The following TPRG1 variants were observed in gnomAD, a reference collection of about 807,000 sequenced individuals.
The protein encoded by TPRG1 is tumor protein p63-regulated gene 1 protein.
Under a neutral mutation model 29.3 loss-of-function variants are expected in TPRG1, and 29 were observed. That is an observed-to-expected ratio of 0.99 (90% CI 0.74 to 1.35). TPRG1 has a LOEUF of 1.35. Among genes scored for constraint, TPRG1 ranks in the 40% most tolerant of loss-of-function variants. The pLI is 0.00. For synonymous variants in TPRG1, 130 were observed against 116.8 expected (o/e 1.11, Z -0.73); for missense variants, 327 against 335.0 (o/e 0.98, Z 0.19).
intron 4 of TPRG1, among the ~76,000 whole-genome samples, chr3:189,051,352 A>G (rs191280877): frequency 3.9e-4 from 60 of 152,222 alleles, no homozygotes; most frequent in African/African-American, 1.3e-3. Context: ...AAACAAATAA[A>G]CAAACAAAAA....
intron 3 of TPRG1, among the ~76,000 whole-genome samples, chr3:189,023,100 C>T (rs1425438014): frequency 1.4e-4 from 21 of 152,344 alleles, no homozygotes; most frequent in African/African-American, 4.3e-4. Flanking sequence ...GCATGGTGCG[C>T]GCACCCACTG....
intron 5 of TPRG1, among the ~76,000 whole-genome samples, chr3:189,154,798 A>T (rs1355059299): frequency 6.6e-6 from 1 of 152,198 alleles, no homozygotes; most frequent in Non-Finnish European, 1.5e-5. Flanking sequence ...GAGACAAAAA[A>T]TAATAGGTAA....
At chr3:189,237,462 T>C (rs1049720385) in intron 3 of TPRG1, among the ~76,000 whole-genome samples, 4 of 152,140 alleles carry the variant, frequency 2.6e-5, no homozygotes, top group African/African-American at 9.7e-5. Flanking sequence ...TCTTACAAAC[T>C]GTGATAAATG....
At chr3:189,181,568 C>T (rs1730227031) in intron 1 of TPRG1, among the ~76,000 whole-genome samples, 1 of 152,176 alleles carries the variant, frequency 6.6e-6, no homozygotes, top group Non-Finnish European at 1.5e-5. Flanking sequence ...TGCTCTAGTT[C>T]CCAACAAGTT....
At chr3:189,174,141 G>A (rs1560513304) in intron 1 of TPRG1, among the ~76,000 whole-genome samples, 1 of 152,188 alleles carries the variant, frequency 6.6e-6, no homozygotes, top group Non-Finnish European at 1.5e-5. Context: ...ACTCAACATT[G>A]TTTAATCTAA....
At chr3:188,998,287 G>A (rs1283083266) in intron 1 of TPRG1, among the ~76,000 whole-genome samples, 1 of 152,238 alleles carries the variant, frequency 6.6e-6, no homozygotes, top group Admixed American at 6.5e-5. Flanking sequence ...TCAAATGTGA[G>A]CTGTAGCTTA....
intron 3 of TPRG1, among the ~76,000 whole-genome samples, chr3:189,237,359 T>C (rs893257592): frequency 3.9e-5 from 6 of 152,066 alleles, no homozygotes; most frequent in Admixed American, 6.6e-5. Context: ...CTTGTACTTA[T>C]TAGCATTTCC....
chr3:189,211,504 G>T (rs190557058), intron 2 of TPRG1: 7 of 152,108 alleles, frequency 4.6e-5, no homozygotes, highest in Admixed American at 4.6e-4. Context: ...CTCAATACTG[G>T]ATCACAAAAA....
chr3:189,037,177 A>C (rs1714324416), intron 4 of TPRG1, among the ~76,000 whole-genome samples: 2 of 151,844 alleles, frequency 1.3e-5, no homozygotes, highest in Non-Finnish European at 2.9e-5. Flanking sequence ...TTACTTGATA[A>C]AAATATTGTC....
intron 2 of TPRG1, among the ~76,000 whole-genome samples, chr3:189,001,493 G>T (rs1712015065): frequency 6.6e-6 from 1 of 152,118 alleles, no homozygotes; most frequent in African/African-American, 2.4e-5. Context: ...GTGTTCACTT[G>T]GTTGGAAGGG....
chr3:189,041,457 G>A (rs1714629694), intron 4 of TPRG1, among the ~76,000 whole-genome samples: 1 of 152,162 alleles, frequency 6.6e-6, no homozygotes, highest in East Asian at 1.9e-4. Flanking sequence ...ACAACTCTGA[G>A]CCTCTTTAGC....
chr3:189,016,213 A>ACTT (rs1712926032), intron 3 of TPRG1, among the ~76,000 whole-genome samples: 1 of 152,038 alleles, frequency 6.6e-6, no homozygotes. Context: ...TTATTTTGGA[A>ACTT]CTTTAAGATT....
At chr3:189,056,332 G>T (rs1282580591) in intron 4 of TPRG1, among the ~76,000 whole-genome samples, 2 of 152,090 alleles carry the variant, frequency 1.3e-5, no homozygotes, top group Non-Finnish European at 2.9e-5. Context: ...CTGACCTCAA[G>T]TGACCTACCC....
intron 3 of TPRG1, among the ~76,000 whole-genome samples, chr3:189,139,686 A>G (rs1724276886): frequency 6.6e-6 from 1 of 151,134 alleles, no homozygotes. Context: ...TTTTTTTCAA[A>G]AAAAAATGTT....
intron 5 of TPRG1, among the ~76,000 whole-genome samples, chr3:189,163,292 A>G (rs1387945275): frequency 1.3e-5 from 2 of 152,196 alleles, no homozygotes; most frequent in Non-Finnish European, 2.9e-5. Context: ...AAGCAAAACA[A>G]AAAAACATGG....
At chr3:189,216,496 T>C (rs1006209752) in intron 3 of TPRG1, among the ~76,000 whole-genome samples, 1 of 152,222 alleles carries the variant, frequency 6.6e-6, no homozygotes, top group Non-Finnish European at 1.5e-5. Context: ...CACCAACTTA[T>C]CTGTTAATTT....
chr3:189,239,365 C>T (rs1419710180), intron 4 of TPRG1, among the ~76,000 whole-genome samples: 2 of 152,158 alleles, frequency 1.3e-5, no homozygotes, highest in African/African-American at 2.4e-5. Flanking sequence ...TCAATTACCT[C>T]CCCCTGGTTC....
At chr3:189,131,355 G>A (rs956389121) in intron 2 of TPRG1, among the ~76,000 whole-genome samples, 2 of 151,980 alleles carry the variant, frequency 1.3e-5, no homozygotes, top group South Asian at 2.1e-4. Flanking sequence ...ATATGTATAC[G>A]TGTATATACG....
chr3:189,105,572 G>A (rs944764083), intron 1 of TPRG1, among the ~76,000 whole-genome samples: 3 of 152,116 alleles, frequency 2.0e-5, no homozygotes, highest in Non-Finnish European at 4.4e-5. Context: ...GGTATGTGGG[G>A]TCAAGATAGC....
Sources: allele counts gnomAD v4.1 joint callset (sites outside exome capture counted in the v4.1 genomes callset), GRCh38; gene constraint gnomAD v4.1.1; transcripts MANE v1.5; gene names NCBI Gene and HGNC (gene_info 2026-07-23, HGNC 2026-07-21).